The following ITGA6 variants were observed in gnomAD, a reference collection of about 807,000 sequenced individuals.
ITGA6 encodes the protein integrin alpha-6.
A neutral mutation model predicts 133.6 loss-of-function variants in ITGA6; 63 were observed. The ratio of observed to expected loss-of-function variants is 0.47; its 90% confidence interval spans 0.38 to 0.58. The LOEUF (loss-of-function observed/expected upper bound fraction) is 0.58, where lower values mean the gene tolerates loss of function less well. Ranked by LOEUF, ITGA6 falls within the 20% of genes least tolerant of loss-of-function variation. The pLI, the probability that ITGA6 is intolerant of heterozygous loss-of-function variation, is 0.00. For missense variants in ITGA6, 1,068 were observed against 1,309.4 expected (o/e 0.82, Z 2.85); for synonymous variants, 434 against 482.0 (o/e 0.90, Z 1.30).
chr2:172,471,691 A>C (rs990923353), intron 5 of ITGA6, among the ~76,000 whole-genome samples: 3 of 152,196 alleles, frequency 2.0e-5, no homozygotes, highest in Non-Finnish European at 4.4e-5. Context: ...CAGGACACCC[A>C]GACTGTGTCT....
In ITGA6 at chr2:172,490,385, T is replaced by C. The variant is rs180685283; in HGVS notation, c.2680-639T>C. Among the ~76,000 whole-genome samples, 477 of 152,370 alleles carry C rather than the reference T, an allele frequency of 3.1e-3. 2 individuals are homozygous for C. The highest frequency in any genetic ancestry group is 3.5e-3 in the Non-Finnish European group (238 of 68,036). On this transcript the variant is annotated intron_variant, in intron 20 of 25. Coordinates refer to ENST00000684293, the MANE Select transcript of ITGA6 (RefSeq NM_000210.4). The stretch of plus-strand genomic sequence containing the variant: ...GCCTATCATTTGTGTTCCAGTTTGA[T>C]GAAGGTTTGCATGTTTATTTCTTTT...
rs1294357373 is a variant in ITGA6 at position 172,475,587 on chromosome 2, T to C, written c.1181-10T>C. On this transcript the variant is annotated splice_polypyrimidine_tract_variant and intron_variant, in intron 7 of 25. Transcript: ENST00000684293. ...TTTGTTAAAATGTTAAAATGTGATG[T>C]TGTCAACAGATATTGCAGTTGGAGC... The C allele has an allele frequency of 2.0e-6, 3 of 1,489,052 alleles. No homozygotes were observed. In the African/African-American group the frequency reaches 4.1e-5, roughly 21 times the overall value. The allele number at this position is 1,489,052 out of a possible 1,614,324, so 92.2% of individuals were successfully genotyped here. A position where few individuals can be genotyped will look rare whatever the true frequency, so the allele number is the denominator to read the frequency against.
At chr2:172,435,599 A>C (rs1418025610) in intron 1 of ITGA6, among the ~76,000 whole-genome samples, 3 of 147,662 alleles carry the variant, frequency 2.0e-5, no homozygotes, top group African/African-American at 7.6e-5. Flanking sequence ...ACGACACAAA[A>C]CCCAAGAGTT....
At chr2:172,479,549 C>G in intron 9 of ITGA6, 92 bp from the exon 10 acceptor site, 1 of 1,015,306 alleles carries the variant, frequency 9.8e-7, no homozygotes. Context: ...TTAAGCTGTG[C>G]TGGGCAGCTA....
chr2:172,465,728 G>A, intron 2 of ITGA6, 65 bp downstream of exon 2: 3 of 1,599,540 alleles, frequency 1.9e-6, no homozygotes, highest in South Asian at 2.2e-5. Context: ...CCATGAGGGA[G>A]GAGAGTGGGG....
intron 24 of ITGA6, among the ~76,000 whole-genome samples, chr2:172,499,960 T>C (rs1687282340): frequency 6.6e-6 from 1 of 152,142 alleles, no homozygotes; most frequent in Non-Finnish European, 1.5e-5. Context: ...AGCTCTGAAG[T>C]GTCCAGGCTG....
chr2:172,442,757 T>C (rs1684595637), intron 1 of ITGA6, among the ~76,000 whole-genome samples: 1 of 152,204 alleles, frequency 6.6e-6, no homozygotes, highest in Non-Finnish European at 1.5e-5. Context: ...GTCATGCCTC[T>C]GGAACGGGCT....
At chr2:172,465,010 A>G (rs1436450587) in intron 1 of ITGA6, 1 of 165,554 alleles carries the variant, frequency 6.0e-6, no homozygotes, top group East Asian at 1.6e-4. Flanking sequence ...GTTGTATCTT[A>G]CTTACCATTA....
At chr2:172,446,660 A>G (rs1368704181) in intron 1 of ITGA6, among the ~76,000 whole-genome samples, 1 of 152,224 alleles carries the variant, frequency 6.6e-6, no homozygotes, top group Non-Finnish European at 1.5e-5. Context: ...TCATTTGGCA[A>G]CTGATAAGTC....
At chr2:172,465,222 T>G in intron 1 of ITGA6, 1 of 423,358 alleles carries the variant, frequency 2.4e-6, no homozygotes, top group South Asian at 2.2e-5. Flanking sequence ...CATAGGGGCT[T>G]AGAGGTTGTA....
intron 5 of ITGA6, among the ~76,000 whole-genome samples, chr2:172,473,211 A>G (rs1686022608): frequency 6.6e-6 from 1 of 152,242 alleles, no homozygotes; most frequent in Admixed American, 6.5e-5. Context: ...ACCTTTCTAT[A>G]GAAACATTTA....
At position 172,501,074 on chromosome 2, in the gene ITGA6, T is replaced by C. The variant is rs555888102; in HGVS notation, c.3115-698T>C. Among the ~76,000 whole-genome samples the C allele has an allele frequency of 5.9e-5, 9 of 152,286 alleles. No individual in the cohort carries two copies. The South Asian group carries it at 1.9e-3, about 32-fold the overall frequency. On this transcript the variant is annotated intron_variant, in intron 24 of 25. Coordinates refer to ENST00000684293, the MANE Select transcript of ITGA6 (RefSeq NM_000210.4). ...GTAAATAGGAAAAGTTCTCTATCAC[T>C]GAACGAAGGAAATTATAGTAGAAAG...
chr2:172,493,591 CAG>C (rs1166005695), intron 23 of ITGA6, among the ~76,000 whole-genome samples: 10 of 152,112 alleles, frequency 6.6e-5, no homozygotes, highest in African/African-American at 2.2e-4. Context: ...GAAGCAGACT[CAG>C]AGAGGGGATA....
intron 5 of ITGA6, among the ~76,000 whole-genome samples, chr2:172,472,057 C>T (rs1002465504): frequency 6.6e-6 from 1 of 152,230 alleles, no homozygotes; most frequent in Non-Finnish European, 1.5e-5. Flanking sequence ...CCTGGTGGCT[C>T]ACGCCTATAA....
At chr2:172,477,103 A>AT (rs200376260) in intron 9 of ITGA6, among the ~76,000 whole-genome samples, 24,952 of 149,512 alleles carry the variant, frequency 0.17, 2,094 homozygotes, top group African/African-American at 0.18. Flanking sequence ...TTGCTTCGCA[A>AT]TTTTTTTTTT....
chr2:172,443,312 T>C (rs1282579090), intron 1 of ITGA6, among the ~76,000 whole-genome samples: 1 of 152,234 alleles, frequency 6.6e-6, no homozygotes, highest in African/African-American at 2.4e-5. Context: ...TGAACTATGA[T>C]TTATTTAACC....
intron 2 of ITGA6, 136 bp from the exon 3 acceptor site, chr2:172,467,345 G>C: frequency 1.4e-6 from 1 of 689,946 alleles, no homozygotes; most frequent in Non-Finnish European, 2.7e-6. Context: ...TAATTTTTCT[G>C]GATTGAGTAA....
chr2:172,492,972 A>C (rs1686983951), intron 23 of ITGA6, among the ~76,000 whole-genome samples: 1 of 152,104 alleles, frequency 6.6e-6, no homozygotes, highest in African/African-American at 2.4e-5. Flanking sequence ...GCAGTGGCGC[A>C]AACACAGCTC....
intron 1 of ITGA6, 101 bp from the exon 2 acceptor site, chr2:172,465,438 C>A (rs1685615761): frequency 7.2e-7 from 1 of 1,389,482 alleles, no homozygotes; most frequent in Non-Finnish European, 1.0e-6. Flanking sequence ...TTAGTGGACT[C>A]CTAGACAAAG....
Sources: allele counts gnomAD v4.1 joint callset (sites outside exome capture counted in the v4.1 genomes callset), GRCh38; gene constraint gnomAD v4.1.1; transcripts MANE v1.5; gene names NCBI Gene and HGNC (gene_info 2026-07-23, HGNC 2026-07-21).